Variants in PDE4D observed in about 807,000 individuals in gnomAD.
The protein encoded by PDE4D is 3',5'-cyclic-AMP phosphodiesterase 4D.
PDE4D carries 24 observed loss-of-function variants against 87.4 expected under a neutral mutation model. The ratio of observed to expected loss-of-function variants is 0.27; its 90% CI spans 0.20 to 0.39. PDE4D has a LOEUF of 0.39. Ranked by LOEUF, PDE4D falls within the 10% of genes least tolerant of loss-of-function variation. PDE4D has a pLI of 1.00. For missense variants in PDE4D, 714 were observed against 1,041.0 expected (o/e 0.69, Z 4.32); for synonymous variants, 384 against 383.2 (o/e 1.00, Z -0.02).
At chr5:59,263,658 C>T (rs1279967744) in intron 1 of PDE4D, among the ~76,000 whole-genome samples, 2 of 151,864 alleles carry the variant, frequency 1.3e-5, no homozygotes, top group African/African-American at 2.4e-5. Context: ...GAACCATATC[C>T]GCATCAACAA....
intron 1 of PDE4D, among the ~76,000 whole-genome samples, chr5:59,413,254 G>A (rs575031457): frequency 7.6e-4 from 115 of 151,946 alleles, no homozygotes; most frequent in African/African-American, 2.4e-3. Flanking sequence ...TCAGGAGATC[G>A]AGACCATCCT....
At chr5:59,632,835 A>G (rs1205199388) in intron 1 of PDE4D, among the ~76,000 whole-genome samples, 1 of 152,238 alleles carries the variant, frequency 6.6e-6, no homozygotes, top group African/African-American at 2.4e-5. Flanking sequence ...TCTTCTCCGA[A>G]GGATCACAAC....
intron 1 of PDE4D, among the ~76,000 whole-genome samples, chr5:59,369,073 T>A (rs934284401): frequency 6.6e-6 from 1 of 152,192 alleles, no homozygotes; most frequent in Non-Finnish European, 1.5e-5. Context: ...GTCCCCAAGA[T>A]CCCTTAGCTT....
At chr5:60,152,555 A>C (rs1268362691) in intron 2 of PDE4D, among the ~76,000 whole-genome samples, 2 of 151,816 alleles carry the variant, frequency 1.3e-5, no homozygotes, top group Non-Finnish European at 2.9e-5. Flanking sequence ...CTGGAGACTG[A>C]GGCAGGAGAA....
chr5:59,565,203 A>C (rs1193891619), intron 1 of PDE4D, among the ~76,000 whole-genome samples: 1 of 152,022 alleles, frequency 6.6e-6, no homozygotes, highest in African/African-American at 2.4e-5. Context: ...AGGTGGTGAG[A>C]CTGGAGGCCT....
intron 1 of PDE4D, among the ~76,000 whole-genome samples, chr5:59,625,953 T>A (rs1830851409): frequency 6.6e-6 from 1 of 152,114 alleles, no homozygotes; most frequent in Admixed American, 6.6e-5. Context: ...CCAGGCGTGG[T>A]GGCGGGCGCC....
In PDE4D at chr5:59,007,394, C is replaced by G. The variant is rs542728588; in HGVS notation, c.922-13929G>C. Among the ~76,000 whole-genome samples the G allele has an allele frequency of 3.3e-5, 5 of 152,218 alleles. No homozygotes were observed. In the South Asian group the frequency reaches 1.0e-3, roughly 32 times the overall value. On this transcript the variant is annotated intron_variant, in intron 6 of 14. Transcript: ENST00000340635. ...ATTTTTAAATGTCCCTTGAAGAATT[C>G]TGAGGCAAAGTTAAACTTCAAGTAT...
intron 1 of PDE4D, among the ~76,000 whole-genome samples, chr5:59,226,154 T>C (rs1030138600): frequency 2.6e-5 from 4 of 152,202 alleles, no homozygotes; most frequent in African/African-American, 9.6e-5. Flanking sequence ...TCTGGGTATT[T>C]ATCCAAAAAA....
At chr5:60,035,502 A>G (rs1266289530) in intron 2 of PDE4D, among the ~76,000 whole-genome samples, 1 of 152,190 alleles carries the variant, frequency 6.6e-6, no homozygotes, top group Non-Finnish European at 1.5e-5. Context: ...CAAACTCTGT[A>G]TGCTTCTAGA....
At chr5:59,862,575 A>T (rs1746437783) in intron 1 of PDE4D, among the ~76,000 whole-genome samples, 1 of 152,132 alleles carries the variant, frequency 6.6e-6, no homozygotes, top group Non-Finnish European at 1.5e-5. Context: ...CTACACCTCA[A>T]TCTCCACGTC....
intron 2 of PDE4D, among the ~76,000 whole-genome samples, chr5:60,092,575 T>C (rs1431918132): frequency 7.4e-6 from 1 of 134,958 alleles, no homozygotes; most frequent in Non-Finnish European, 1.6e-5. Flanking sequence ...TTCTTATGTT[T>C]CAATAAAAAA....
chr5:59,430,549 C>T lies in PDE4D; in HGVS notation c.456-214581G>A, dbSNP rs1582566534. On this transcript the variant is annotated intron_variant, in intron 1 of 14. Transcript: ENST00000340635. ...TCACTGGTTGCCCGGTGCTTCTTTG[C>T]TTCAAAAGTAAACGCGTGTTTCTCG... is the stretch of plus-strand genomic sequence containing the variant. 5 of 610,518 alleles carry T rather than the reference C, an allele frequency of 8.2e-6. No individual in the cohort carries two copies. In the East Asian group the frequency reaches 1.7e-4, roughly 21 times the overall value. 37.8% of individuals were successfully genotyped at this position (610,518 alleles called of 1,614,324 possible).
Position 60,035,796 on chromosome 5 carries a change from C to T in PDE4D, c.43-47079G>A, listed in dbSNP as rs7722914. On this transcript the variant is annotated intron_variant, in intron 2 of 16. Transcript: ENST00000502484. ...TTACTTGTCTCAATAATTGGATTGC[C>T]AAAGCAATTAGAGATGTCATGCGGG... Among the ~76,000 whole-genome samples the T allele has an allele frequency of 8.4e-3, 1,281 of 152,100 alleles. 14 individuals carry two copies. The highest frequency in any genetic ancestry group is 0.029 in the African/African-American group (1,184 of 41,486).
chr5:58,987,684 C>T (rs923579726), intron 11 of PDE4D, among the ~76,000 whole-genome samples: 11 of 152,122 alleles, frequency 7.2e-5, no homozygotes, highest in Non-Finnish European at 1.5e-4. Flanking sequence ...TTTTCAACAA[C>T]TTTGCATATT....
At chr5:60,345,093 C>T (rs1185599800) in intron 1 of PDE4D, among the ~76,000 whole-genome samples, 1 of 151,812 alleles carries the variant, frequency 6.6e-6, no homozygotes, top group Non-Finnish European at 1.5e-5. Flanking sequence ...AGGTCTTACT[C>T]TCTAAAAAAT....
intron 1 of PDE4D, chr5:60,487,784 A>G (rs1318353572): frequency 6.6e-6 from 1 of 152,278 alleles, no homozygotes; most frequent in Non-Finnish European, 1.5e-5. Flanking sequence ...GCCAGTTCTT[A>G]GAAGCTTTAA....
At chr5:59,101,585 C>T (rs1770746317) in intron 5 of PDE4D, among the ~76,000 whole-genome samples, 1 of 152,090 alleles carries the variant, frequency 6.6e-6, no homozygotes, top group Non-Finnish European at 1.5e-5. Flanking sequence ...CACCCTCTTA[C>T]ATAGGCATGG....
intron 1 of PDE4D, chr5:59,276,074 T>C (rs886633320): frequency 3.1e-6 from 3 of 976,166 alleles, no homozygotes; most frequent in Non-Finnish European, 3.6e-6. Flanking sequence ...AAGGGCTGTA[T>C]GACGTCTGTA....
chr5:59,202,133 G>A (rs1747604454), intron 2 of PDE4D, among the ~76,000 whole-genome samples: 1 of 139,968 alleles, frequency 7.1e-6, no homozygotes, highest in Admixed American at 7.9e-5. Flanking sequence ...TCCGCCTCCC[G>A]GGTTCACGCC....
Sources: allele counts gnomAD v4.1 joint callset (sites outside exome capture counted in the v4.1 genomes callset), GRCh38; gene constraint gnomAD v4.1.1; transcripts MANE v1.5; gene names NCBI Gene and HGNC (gene_info 2026-07-23, HGNC 2026-07-21).